Variants in KMT2E observed in about 807,000 individuals in gnomAD.
KMT2E encodes the protein histone reader KMT2E.
In KMT2E, 30 loss-of-function variants were observed where a neutral mutation model predicts 184.6. The observed-to-expected ratio is 0.16, with a 90% CI of 0.12 to 0.22. The LOEUF is 0.22. Among genes scored for constraint, KMT2E ranks in the 10% least tolerant of loss-of-function variants. KMT2E has a pLI of 1.00. For missense variants in KMT2E, 2,023 were observed against 2,237.4 expected (o/e 0.90, Z 1.93); for synonymous variants, 815 against 776.5 (o/e 1.05, Z -0.82).
chr7:105,106,109 G>A, intron 19 of KMT2E, 106 bp downstream of exon 19: 3 of 1,119,444 alleles, frequency 2.7e-6, no homozygotes, highest in Non-Finnish European at 1.3e-6. Context: ...TAGAAGAGAA[G>A]CACATTGGTG....
chr7:105,052,280 A>T (rs1215317782), intron 3 of KMT2E, among the ~76,000 whole-genome samples: 1 of 152,134 alleles, frequency 6.6e-6, no homozygotes, highest in Non-Finnish European at 1.5e-5. Flanking sequence ...TGCCTGGATC[A>T]TTCTTATGTT....
chr7:105,062,389 A>G (rs936799845), intron 4 of KMT2E, 111 bp downstream of exon 4: 2 of 599,704 alleles, frequency 3.3e-6, no homozygotes, highest in Non-Finnish European at 5.7e-6. Context: ...GTTGTTTCAT[A>G]CTATCAAAAT....
chr7:105,024,153 C>G (rs1356575233), intron 1 of KMT2E, among the ~76,000 whole-genome samples: 1 of 152,084 alleles, frequency 6.6e-6, no homozygotes, highest in Non-Finnish European at 1.5e-5. Flanking sequence ...TACATATTCT[C>G]TAAAACTTAA....
intron 17 of KMT2E, chr7:105,104,257 A>G (rs1306998768): frequency 2.0e-5 from 3 of 152,206 alleles, no homozygotes. Flanking sequence ...CATATAGCCA[A>G]TAGAGACTGT....
At chr7:105,094,839 T>A (rs1312399950) in intron 15 of KMT2E, among the ~76,000 whole-genome samples, 1 of 152,218 alleles carries the variant, frequency 6.6e-6, no homozygotes, top group Non-Finnish European at 1.5e-5. Context: ...TATAGTTACA[T>A]ATGTATAGCA....
Position 105,105,684 on chromosome 7 carries a change from A to G in KMT2E, c.2442A>G (p.Ser814=), listed in dbSNP as rs745550913. 3 of 1,597,590 alleles carry G rather than the reference A, an allele frequency of 1.9e-6. No homozygotes were observed. Among genetic ancestry groups the G allele is most frequent in the African/African-American group, 1.4e-5 (1 of 73,766 alleles). ...AACCTACTGAAAACATTTCTGGTTC[A>G]TGCAAGAAGGTAAACTTTTCTTTGG... ...RKEPTENISG[S]CKKRWLKQAL... Residue 814 remains serine (S), a synonymous_variant, in exon 18 of 27, where the codon TCA becomes TCG. Transcript: ENST00000311117.
intron 17 of KMT2E, 111 bp from the exon 18 acceptor site, chr7:105,105,328 T>TA (rs1214979683): frequency 1.5e-5 from 11 of 737,524 alleles, no homozygotes; most frequent in Non-Finnish European, 2.3e-5. Flanking sequence ...TGATTTAAAT[T>TA]ACCCAATTTA....
intron 1 of KMT2E, among the ~76,000 whole-genome samples, chr7:105,017,895 A>G (rs1400357641): frequency 6.6e-6 from 1 of 152,136 alleles, no homozygotes; most frequent in Non-Finnish European, 1.5e-5. Context: ...ACTCTGTAAG[A>G]CTGATAACTG....
intron 1 of KMT2E, among the ~76,000 whole-genome samples, chr7:105,024,054 A>G (rs1381665188): frequency 6.6e-6 from 1 of 152,236 alleles, no homozygotes; most frequent in Non-Finnish European, 1.5e-5. Flanking sequence ...ATTTTCAGTT[A>G]TAGCAAAATG....
chr7:105,077,125 A>G lies in KMT2E; in HGVS notation c.931A>G (p.Asn311Asp), dbSNP rs199977896. ...AATAGCTCTGAGATTAGGCAATGGA[A>G]ATGACAAAAAAGAGATGAATAAATC... is the stretch of plus-strand genomic sequence containing the variant. The part of the protein sequence containing the change: ...QRIALRLGNG[N>D]DKKEMNKSDL... The change falls in exon 10 of 27, where the codon AAT becomes GAT. Residue 311 changes from asparagine to aspartate, a missense_variant. By Grantham distance (23) the Asn-to-Asp change is conservative. This residue lies in a region of KMT2E where 191 missense variants were observed against 209.0 expected (regional missense o/e 0.91). Coordinates refer to ENST00000311117, the MANE Select transcript of KMT2E (RefSeq NM_182931.3). 5 of 1,614,096 alleles carry G rather than the reference A, an allele frequency of 3.1e-6. No individual in the cohort carries two copies. Among genetic ancestry groups the G allele is most frequent in the Non-Finnish European group, 4.2e-6 (5 of 1,179,984 alleles).
intron 2 of KMT2E, among the ~76,000 whole-genome samples, chr7:105,039,909 A>C (rs1350240129): frequency 6.6e-6 from 1 of 152,176 alleles, no homozygotes; most frequent in African/African-American, 2.4e-5. Context: ...TTTTATAAAC[A>C]TACCTGTAGC....
chr7:105,044,258 T>A (rs1796007290), intron 3 of KMT2E, among the ~76,000 whole-genome samples: 1 of 152,216 alleles, frequency 6.6e-6, no homozygotes, highest in South Asian at 2.1e-4. Flanking sequence ...TACCATTTTG[T>A]AACATAGGCT....
chr7:105,079,956 A>T (rs898282176), intron 12 of KMT2E, among the ~76,000 whole-genome samples: 3 of 151,500 alleles, frequency 2.0e-5, no homozygotes, highest in African/African-American at 7.3e-5. Flanking sequence ...TTATCTTCTC[A>T]CCTCAGACTT....
rs540944528 is a variant in KMT2E, at chr7:105,014,260, C to T, written c.-464C>T. Reference sequence around the variant, plus strand: ...CAGGGGGCCGAGTCGGAGACCGTGCCGGAGTTCGGGAGCGGCAACAGAGTG... The same window carrying T: ...CAGGGGGCCGAGTCGGAGACCGTGCTGGAGTTCGGGAGCGGCAACAGAGTG... On this transcript the variant is annotated 5_prime_UTR_variant, in exon 1 of 27. Coordinates refer to ENST00000311117, the MANE Select transcript of KMT2E (RefSeq NM_182931.3). The T allele has an allele frequency of 1.4e-3, 249 of 175,440 alleles. 2 individuals are homozygous for T. Among genetic ancestry groups the T allele is most frequent in the Middle Eastern group, 0.013 (5 of 394 alleles). 10.9% of individuals were successfully genotyped at this position (175,440 alleles called of 1,614,324 possible).
chr7:105,020,190 G>A (rs1794892419), intron 1 of KMT2E, among the ~76,000 whole-genome samples: 1 of 151,872 alleles, frequency 6.6e-6, no homozygotes, highest in Admixed American at 6.6e-5. Context: ...ATGATATTGT[G>A]TAATCACACC....
At chr7:105,104,178 TA>T (rs1294028931) in intron 17 of KMT2E, 1 of 152,158 alleles carries the variant, frequency 6.6e-6, no homozygotes, top group Non-Finnish European at 1.5e-5. Context: ...ATTTGCTAAC[TA>T]GGTAACAATA....
At chr7:105,024,381 C>T (rs1320530087) in intron 1 of KMT2E, among the ~76,000 whole-genome samples, 1 of 152,138 alleles carries the variant, frequency 6.6e-6, no homozygotes, top group Non-Finnish European at 1.5e-5. Context: ...CAAAAACAAG[C>T]CCCATGATGA....
chr7:105,070,338 T>C (rs1562905486), intron 6 of KMT2E, among the ~76,000 whole-genome samples: 2 of 152,016 alleles, frequency 1.3e-5, no homozygotes. Context: ...TTTTGTTTTT[T>C]AAGAATTGTT....
intron 6 of KMT2E, among the ~76,000 whole-genome samples, chr7:105,067,080 AAAAAG>A (rs1382070099): frequency 6.7e-5 from 10 of 149,146 alleles, no homozygotes; most frequent in African/African-American, 2.0e-4. Context: ...AAAAAAAAAA[AAAAAG>A]AAAAAGAAAA....
Sources: gnomAD v4.1 joint callset for allele counts (sites outside exome capture counted in the v4.1 genomes callset) on GRCh38, gnomAD v4.1.1 for gene constraint, gnomAD v4.1.1 regional missense constraint, MANE v1.5 for transcripts, NCBI Gene and HGNC (gene_info 2026-07-23, HGNC 2026-07-21) for gene names.